KISS1R: variants seen among roughly 807,000 people sequenced by gnomAD.
The protein encoded by KISS1R is kiSS-1 receptor.
Under a neutral mutation model 22.0 loss-of-function variants are expected in KISS1R, and 19 were observed. That is an observed-to-expected ratio of 0.86 (90% CI 0.60 to 1.26). The LOEUF is 1.26. Ranked by LOEUF, KISS1R falls within the 50% of genes most tolerant of loss-of-function variation. The probability of loss-of-function intolerance (pLI) is 0.00; values close to 1 mark genes in which losing one functional copy is unlikely to be tolerated. For missense variants in KISS1R, 653 were observed against 581.9 expected (o/e 1.12, Z -1.26); for synonymous variants, 302 against 283.9 (o/e 1.06, Z -0.64).
chr19:920,543 G>T lies in KISS1R; in HGVS notation c.992G>T (p.Arg331Leu), dbSNP rs781496985. The change falls in exon 5 of 5, where the codon CGA becomes CTA. Residue 331 changes from arginine (R) to leucine (L), a missense_variant. Arg to Leu is a moderately radical substitution (Grantham distance 102, BLOSUM62 -2). Transcript: ENST00000234371. ...TACGCCTTCCTGGGCTCGCACTTCC[G>T]ACAGGCCTTCCGCCGCGTCTGCCCC... ...LLYAFLGSHFRQAFRRVCPCA... is the reference protein window; with the variant it reads ...LLYAFLGSHFLQAFRRVCPCA... 4 of 1,589,532 alleles carry T rather than the reference G, an allele frequency of 2.5e-6. No homozygotes were observed. Among genetic ancestry groups the T allele is most frequent in the African/African-American group, 2.8e-5 (2 of 71,744 alleles).
At position 917,723 on chromosome 19, in the gene KISS1R, G is replaced by A. The variant is rs983306617; in HGVS notation, c.221G>A (p.Arg74Gln). Residue 74 changes from arginine to glutamine, a missense_variant, in exon 1 of 5, where the codon CGG becomes CAG. Transcript: ENST00000234371. ...IYVICRHKPM[R>Q]TVTNFYIANL... is the part of the protein sequence containing the mutation. ...GTCATCTGCCGCCACAAGCCGATGC[G>A]GACCGTGACCAACTTCTACATCGGT... 1.2e-6 allele frequency: 2 copies of A among 1,607,118 alleles called. No homozygotes were observed. The highest frequency in any genetic ancestry group is 1.7e-4 in the Middle Eastern group (1 of 6,024).
Position 917,727 on chromosome 19 carries a change from C to G in KISS1R, c.225C>G (p.Thr75=). The change falls in exon 1 of 5, where the codon ACC becomes ACG. Residue 75 remains threonine (T), a synonymous_variant. Transcript: ENST00000234371. The part of the protein sequence containing the change: ...YVICRHKPMR[T]VTNFYIANLA... ...TCTGCCGCCACAAGCCGATGCGGAC[C>G]GTGACCAACTTCTACATCGGTGAGT... The G allele has an allele frequency of 3.1e-6, 5 of 1,607,302 alleles. No individual in the cohort carries two copies. Among genetic ancestry groups the G allele is most frequent in the Non-Finnish European group, 4.2e-6 (5 of 1,177,212 alleles).
chr19:920,911 G>C lies in KISS1R; in HGVS notation c.*163G>C. 1 of 768,990 alleles carries C rather than the reference G, an allele frequency of 1.3e-6. No individual in the cohort carries two copies. The highest frequency in any genetic ancestry group is 1.8e-6 in the Non-Finnish European group (1 of 568,278). 47.6% of individuals were successfully genotyped at this position (768,990 alleles called of 1,614,324 possible). Reference sequence around the variant, plus strand: ...CAGTTTCGTTGTGAAGTTTGCTATTGATATTGAAATTATGACTTCTGTGTT... The same window carrying C: ...CAGTTTCGTTGTGAAGTTTGCTATTCATATTGAAATTATGACTTCTGTGTT... On this transcript the variant is annotated 3_prime_UTR_variant, in exon 5 of 5. Transcript: ENST00000234371.
Position 918,419 on chromosome 19 carries a change from G to A in KISS1R, c.245-125G>A, listed in dbSNP as rs1011456813. ...GCCAGGGGCGCTGGGGGAGGGGGGG[G>A]CCTCCCTGAGCCATCCTGCTGGTCA... On this transcript the variant is annotated intron_variant, in intron 1 of 4. Coordinates refer to ENST00000234371, the MANE Select transcript of KISS1R (RefSeq NM_032551.5). 20 of 1,103,320 alleles carry A rather than the reference G, an allele frequency of 1.8e-5. No individual in the cohort carries two copies. The East Asian group carries it at 2.2e-4, about 12-fold the overall frequency. The allele number at this position is 1,103,320 out of a possible 1,614,324, so 68.3% of individuals were successfully genotyped here.
Position 917,679 on chromosome 19 carries a change from G to A in KISS1R, c.177G>A (p.Gly59=). Reference sequence around the variant, plus strand: ...CGCTGATGCTGCTGGGCCTGGTGGGGAACTCGCTGGTCATCTACGTCATCT... The same window carrying A: ...CGCTGATGCTGCTGGGCCTGGTGGGAAACTCGCTGGTCATCTACGTCATCT... The part of the protein sequence containing the change: ...FAALMLLGLV[G]NSLVIYVICR... Residue 59 remains glycine, a synonymous_variant, in exon 1 of 5, where the codon GGG becomes GGA. Transcript: ENST00000234371. The A allele has an allele frequency of 6.3e-7, 1 of 1,596,306 alleles. No homozygotes were observed. Among genetic ancestry groups the A allele is most frequent in the Non-Finnish European group, 8.5e-7 (1 of 1,172,916 alleles).
In KISS1R at chr19:917,539, TG is replaced by T; in HGVS notation, c.43del (p.Ala15HisfsTer38). 2.6e-6 allele frequency: 4 copies of T among 1,516,252 alleles called. No individual in the cohort carries two copies. The highest frequency in any genetic ancestry group is 2.6e-6 in the Non-Finnish European group (3 of 1,137,276). 93.9% of individuals were successfully genotyped at this position (1,516,252 alleles called of 1,614,324 possible). A position where few individuals can be genotyped will look rare whatever the true frequency, so the allele number is the denominator to read the frequency against. On this transcript the variant is annotated frameshift_variant, in exon 1 of 5. Coordinates refer to ENST00000234371, the MANE Select transcript of KISS1R (RefSeq NM_032551.5). LOFTEE classifies it high-confidence loss of function. ...GGCTACGTCCGGACCCAACGCGTCC[TG>T]GGGGGCACCGGCCAACGCCTCCGGC... Reference protein sequence around the residue: ...TVATSGPNASWGAPANASGCP... With the variant: ...TVATSGPNASXGAPANASGCP...
rs749638365 is a variant in KISS1R, at chr19:920,675, C to A, written c.1124C>A (p.Ala375Glu). 8.3e-6 allele frequency: 11 copies of A among 1,319,556 alleles called. No individual in the cohort carries two copies. The highest frequency in any genetic ancestry group is 1.1e-5 in the Non-Finnish European group (11 of 1,037,152). The allele number at this position is 1,319,556 out of a possible 1,614,324, so 81.7% of individuals were successfully genotyped here. ...RLGSHPAPAR[A>E]QKPGSSGLAA... ...GGGTCCCACCCGGCCCCCGCCAGGGCGCAGAAGCCAGGGAGCAGTGGGCTG... is the reference window on the plus strand; with the variant it reads ...GGGTCCCACCCGGCCCCCGCCAGGGAGCAGAAGCCAGGGAGCAGTGGGCTG... The change falls in exon 5 of 5, where the codon GCG becomes GAG. Residue 375 changes from alanine to glutamate, a missense_variant. Ala to Glu is a moderately radical substitution (Grantham distance 107). Coordinates refer to ENST00000234371, the MANE Select transcript of KISS1R (RefSeq NM_032551.5).
Position 917,529 on chromosome 19 carries a change from CA to C in KISS1R, c.29del (p.Asn10ThrfsTer43). 1 of 1,506,720 alleles carries C rather than the reference CA, an allele frequency of 6.6e-7. No individual in the cohort carries two copies. Among genetic ancestry groups the C allele is most frequent in the Non-Finnish European group, 8.8e-7 (1 of 1,133,178 alleles). The allele number at this position is 1,506,720 out of a possible 1,614,324, so 93.3% of individuals were successfully genotyped here. ...TGCACACCGTGGCTACGTCCGGACC[CA>C]ACGCGTCCTGGGGGGCACCGGCCAA... Reference protein sequence around the residue: MHTVATSGPNASWGAPANAS... With the variant: MHTVATSGPXASWGAPANAS... On this transcript the variant is annotated frameshift_variant, in exon 1 of 5. Transcript: ENST00000234371. LOFTEE classifies it high-confidence loss of function.
intron 2 of KISS1R, among the ~76,000 whole-genome samples, chr19:919,102 G>C (rs965547762): frequency 6.6e-6 from 1 of 151,066 alleles, no homozygotes; most frequent in African/African-American, 2.4e-5. Flanking sequence ...TTGCGGGAAG[G>C]GGCTGGGCGG....
chr19:917,828 C>T, intron 1 of KISS1R, 82 bp downstream of exon 1: 1 of 1,467,826 alleles, frequency 6.8e-7, no homozygotes, highest in Non-Finnish European at 9.1e-7. Flanking sequence ...TCTCGCGACG[C>T]ATCGGGGCCC....
In KISS1R at chr19:920,527, C is replaced by G; in HGVS notation, c.976C>G (p.Leu326Val). 1 of 1,600,992 alleles carries G rather than the reference C, an allele frequency of 6.2e-7. No individual in the cohort carries two copies. Among genetic ancestry groups the G allele is most frequent in the South Asian group, 1.1e-5 (1 of 89,498 alleles). ...GCTGAACCCGCTGCTCTACGCCTTC[C>G]TGGGCTCGCACTTCCGACAGGCCTT... ...SALNPLLYAF[L>V]GSHFRQAFRR... Residue 326 changes from leucine to valine, a missense_variant, in exon 5 of 5, where the codon CTG becomes GTG. By Grantham distance (32) the Leu-to-Val change is conservative (BLOSUM62 1). Transcript: ENST00000234371.
rs759844858 is a variant in KISS1R, at chr19:920,399, T to C, written c.848T>C (p.Leu283Pro). The C allele has an allele frequency of 2.1e-5, 34 of 1,601,892 alleles. No individual in the cohort carries two copies. The highest frequency in any genetic ancestry group is 1.7e-4 in the Middle Eastern group (1 of 5,996). Residue 283 changes from leucine (L) to proline (P), a missense_variant, in exon 5 of 5, where the codon CTG (leucine) becomes CCG (proline). Transcript: ENST00000234371. ...AACWGPIQLF[L>P]VLQALGPAGS... is the part of the protein sequence containing the mutation. ...TGCTGGGGCCCCATCCAGCTGTTCC[T>C]GGTGCTGCAGGCGCTGGGCCCCGCG...
chr19:918,697 C>G, intron 2 of KISS1R, 29 bp downstream of exon 2: 1 of 1,535,574 alleles, frequency 6.5e-7, no homozygotes. Flanking sequence ...GGGGAGAGGG[C>G]GCACTTGGGG....
chr19:917,392 C>G lies in KISS1R; in HGVS notation c.-111C>G. The G allele has an allele frequency of 1.6e-6, 2 of 1,270,166 alleles. No individual in the cohort carries two copies. Among genetic ancestry groups the G allele is most frequent in the South Asian group, 3.7e-5 (2 of 53,752 alleles). 78.7% of individuals were successfully genotyped at this position (1,270,166 alleles called of 1,614,324 possible). On this transcript the variant is annotated 5_prime_UTR_variant, in exon 1 of 5. Transcript: ENST00000234371. ...GGACCCTGCGGACCCCAGCCGAGCC[C>G]CTTCCTGAGTTCCACAGGCGCAGCC...
chr19:920,574 G>GCCGCGCCGC lies in KISS1R; in HGVS notation c.1026_1034dup (p.Arg349_Pro351dup). 1.3e-6 allele frequency: 2 copies of GCCGCGCCGC among 1,521,670 alleles called. No homozygotes were observed. The highest frequency in any genetic ancestry group is 1.8e-6 in the Non-Finnish European group (2 of 1,140,658). The allele number at this position is 1,521,670 out of a possible 1,614,324, so 94.3% of individuals were successfully genotyped here. A position where few individuals can be genotyped will look rare whatever the true frequency, so the allele number is the denominator to read the frequency against. ...CCTTCCGCCGCGTCTGCCCCTGCGC[G>GCCGCGCCGC]CCGCGCCGCCCCCGCCGCCCCCGCC... On this transcript the variant is annotated inframe_insertion, in exon 5 of 5. Coordinates refer to ENST00000234371, the MANE Select transcript of KISS1R (RefSeq NM_032551.5).
rs1599369243 is a variant in KISS1R at position 917,451 on chromosome 19, G to A, written c.-52G>A. The A allele has an allele frequency of 3.6e-6, 5 of 1,394,742 alleles. No homozygotes were observed. In the South Asian group the frequency reaches 4.8e-5, roughly 13 times the overall value. 86.4% of individuals were successfully genotyped at this position (1,394,742 alleles called of 1,614,324 possible). A position where few individuals can be genotyped will look rare whatever the true frequency, so the allele number is the denominator to read the frequency against. On this transcript the variant is annotated 5_prime_UTR_variant, in exon 1 of 5. In the 5' UTR this introduces an upstream ATG that the reference lacks. Transcript: ENST00000234371. ...GTCGGGCGGAGGGGTCCCCGGGGCG[G>A]TGCCAGGGCGCAATCCTGGAGGGCG...
In KISS1R at chr19:920,286, C is replaced by T. The variant is rs1016739677; in HGVS notation, c.739-4C>T. 4 of 1,569,512 alleles carry T rather than the reference C, an allele frequency of 2.5e-6. No homozygotes were observed. Among genetic ancestry groups the T allele is most frequent in the Middle Eastern group, 2.2e-4 (1 of 4,468 alleles). On this transcript the variant is annotated splice_polypyrimidine_tract_variant and splice_region_variant and intron_variant, in intron 4 of 4. Coordinates refer to ENST00000234371, the MANE Select transcript of KISS1R (RefSeq NM_032551.5). ...GTCTAACCACCTTCACGGCACCCCC[C>T]CAGGGGCAGGTGCTGGCAGAGCGCG...
chr19:920,142 C>A, intron 4 of KISS1R, 36 bp downstream of exon 4: 1 of 1,466,646 alleles, frequency 6.8e-7, no homozygotes. Context: ...CAAGGCTGGG[C>A]GGGCGGGGAG....
chr19:917,578 G>C lies in KISS1R; in HGVS notation c.76G>C (p.Gly26Arg). Residue 26 changes from glycine to arginine, a missense_variant, in exon 1 of 5, where the codon GGC becomes CGC. By Grantham distance (125) the Gly-to-Arg change is moderately radical (BLOSUM62 -2). Transcript: ENST00000234371. The part of the protein sequence containing the change: ...PANASGCPGC[G>R]ANASDGPVPS... ...CAACGCCTCCGGCTGCCCGGGCTGT[G>C]GCGCCAACGCCTCGGACGGCCCAGT... 2.6e-6 allele frequency: 4 copies of C among 1,536,760 alleles called. No individual in the cohort carries two copies. In the East Asian group the frequency reaches 9.9e-5, roughly 38 times the overall value.
Sources: allele counts gnomAD v4.1 joint callset (sites outside exome capture counted in the v4.1 genomes callset), GRCh38; gene constraint gnomAD v4.1.1; transcripts MANE v1.5; gene names NCBI Gene and HGNC (gene_info 2026-07-23, HGNC 2026-07-21).